Variants in ARFRP1 observed in about 807,000 individuals in gnomAD.
ARFRP1 encodes ARF related protein 1.
ARFRP1 carries 19 observed loss-of-function variants against 30.3 expected under a neutral mutation model. That is an observed-to-expected ratio of 0.63 (90% CI 0.44 to 0.92). ARFRP1 has a LOEUF of 0.92. Among genes scored for constraint, ARFRP1 ranks in the 40% least tolerant of loss-of-function variants. The probability of loss-of-function intolerance (pLI) is 0.00; values close to 1 mark genes in which losing one functional copy is unlikely to be tolerated. For synonymous variants in ARFRP1, 133 were observed against 114.2 expected, an observed-to-expected ratio of 1.16 and a Z score of -1.05; for missense variants, 245 against 267.5, an observed-to-expected ratio of 0.92 and a Z score of 0.59.
intron 4 of ARFRP1, chr20:63,704,160 G>C (rs1278234708): frequency 6.6e-6 from 1 of 152,272 alleles, no homozygotes; most frequent in Admixed American, 6.5e-5. Flanking sequence ...AGGCCAATTC[G>C]CAATGACGCC....
chr20:63,706,190 G>A (rs1196301908), intron 4 of ARFRP1, 167 bp downstream of exon 4: 3 of 664,724 alleles, frequency 4.5e-6, no homozygotes, highest in African/African-American at 3.6e-5. Context: ...TAAGGGTTCA[G>A]CTGGGACAAA....
intron 4 of ARFRP1, chr20:63,706,154 A>G: frequency 1.8e-6 from 1 of 544,556 alleles, no homozygotes; most frequent in Admixed American, 3.1e-5. Context: ...AAACTCCCCT[A>G]CCACCACTTT....
chr20:63,706,263 A>C, intron 4 of ARFRP1, 94 bp downstream of exon 4: 4 of 1,169,514 alleles, frequency 3.4e-6, no homozygotes, highest in Non-Finnish European at 5.1e-6. Context: ...CAGAGTGGGT[A>C]AGGAAAACTG....
Position 63,700,646 on chromosome 20 carries a change from G to T in ARFRP1, c.474C>A (p.Ile158=). The T allele has an allele frequency of 6.2e-7, 1 of 1,610,916 alleles. No individual in the cohort carries two copies. Among genetic ancestry groups the T allele is most frequent in the Non-Finnish European group, 8.5e-7 (1 of 1,179,854 alleles). Residue 158 remains isoleucine (I), a synonymous_variant, in exon 7 of 8, where the codon ATC becomes ATA. Coordinates refer to ENST00000622789, the MANE Select transcript of ARFRP1 (RefSeq NM_001267547.3). ...KTAFSDCTSK[I]GRRDCLTQAC... Reference sequence around the variant, plus strand: ...CCTGGGTCAGGCAATCTCGCCTGCCGATCTTGCTGGTGCAGTCGCTGAAGG... The same window carrying T: ...CCTGGGTCAGGCAATCTCGCCTGCCTATCTTGCTGGTGCAGTCGCTGAAGG...
chr20:63,705,102 G>A (rs2091391975), intron 4 of ARFRP1: 1 of 152,548 alleles, frequency 6.6e-6, no homozygotes, highest in African/African-American at 2.4e-5. Flanking sequence ...ACACCGGCCT[G>A]TGACAAGATC....
At position 63,701,777 on chromosome 20, in the gene ARFRP1, G is replaced by T. The variant is rs964757364; in HGVS notation, c.417+53C>A. On this transcript the variant is annotated intron_variant, in intron 6 of 7. Transcript: ENST00000622789. ...GGTGCACACCTGCTCCCCTTGCTGT[G>T]GGGGAGGCTGGGGACTCGGGAAGCT... The T allele has an allele frequency of 1.5e-4, 230 of 1,492,006 alleles. 1 individual carries two copies. Among genetic ancestry groups the T allele is most frequent in the Non-Finnish European group, 2.0e-4 (222 of 1,095,456 alleles). The allele number at this position is 1,492,006 out of a possible 1,614,324, so 92.4% of individuals were successfully genotyped here.
chr20:63,700,800 G>A, intron 6 of ARFRP1, 98 bp from the exon 7 acceptor site: 2 of 1,480,386 alleles, frequency 1.4e-6, no homozygotes, highest in Non-Finnish European at 1.8e-6. Flanking sequence ...TTCACCCCAG[G>A]GAAACAGCCA....
chr20:63,701,083 GA>G, intron 6 of ARFRP1: 1 of 403,272 alleles, frequency 2.5e-6, no homozygotes. Flanking sequence ...ATCAGTGATG[GA>G]GGCAGTCTGC....
Position 63,707,002 on chromosome 20 carries a change from C to T in ARFRP1, c.90G>A (p.Lys30=). Residue 30 remains lysine, a synonymous_variant, in exon 2 of 8, where the codon AAG becomes AAA. Coordinates refer to ENST00000622789, the MANE Select transcript of ARFRP1 (RefSeq NM_001267547.3). ...ILILGLDNAG[K]TTFLEQSKTR... ...GCGCAAGGGCGTGGGCACTCACCGT[C>T]TTCCCAGCATTGTCCAGGCCCAGGA... is the stretch of plus-strand genomic sequence containing the variant. 1.2e-6 allele frequency: 2 copies of T among 1,613,762 alleles called. No individual in the cohort carries two copies. The highest frequency in any genetic ancestry group is 1.7e-6 in the Non-Finnish European group (2 of 1,179,988).
At chr20:63,702,560 G>T in intron 4 of ARFRP1, 2 of 337,630 alleles carry the variant, frequency 5.9e-6, no homozygotes, top group Non-Finnish European at 5.7e-6. Flanking sequence ...GGCCAACCTG[G>T]GCAACACAGT....
In ARFRP1 at chr20:63,700,145, C is replaced by T. The variant is rs1306524441; in HGVS notation, c.*298G>A. The stretch of plus-strand genomic sequence containing the variant: ...CAGCCTGAGCACTGGAGCCCCAATT[C>T]CCAACCAGGTCTCCCTCAGACCCCC... On this transcript the variant is annotated 3_prime_UTR_variant, in exon 8 of 8. Transcript: ENST00000622789. 1 of 426,922 alleles carries T rather than the reference C, an allele frequency of 2.3e-6. No individual in the cohort carries two copies. The allele number at this position is 426,922 out of a possible 1,614,324, so 26.4% of individuals were successfully genotyped here. A position where few individuals can be genotyped will look rare whatever the true frequency, so the allele number is the denominator to read the frequency against.
In ARFRP1 at chr20:63,699,985, G is replaced by A. The variant is rs982996881; in HGVS notation, c.*458C>T. On this transcript the variant is annotated 3_prime_UTR_variant, in exon 8 of 8. Coordinates refer to ENST00000622789, the MANE Select transcript of ARFRP1 (RefSeq NM_001267547.3). The stretch of plus-strand genomic sequence containing the variant: ...GCAAGATCAGCCCCAGACCACTTCC[G>A]GGGTCACGGGGTCACGGGGTCACAG... 2.2e-4 allele frequency: 32 copies of A among 147,154 alleles called. No homozygotes were observed. The highest frequency in any genetic ancestry group is 5.2e-3 in the Middle Eastern group (2 of 382). 9.1% of individuals were successfully genotyped at this position (147,154 alleles called of 1,614,324 possible).
At chr20:63,704,876 G>A (rs1354074279) in intron 4 of ARFRP1, 1 of 152,246 alleles carries the variant, frequency 6.6e-6, no homozygotes, top group Non-Finnish European at 1.5e-5. Flanking sequence ...AGCCCACACT[G>A]GGGACCCACC....
At chr20:63,700,831 T>C in intron 6 of ARFRP1, 129 bp from the exon 7 acceptor site, 1 of 1,288,234 alleles carries the variant, frequency 7.8e-7, no homozygotes, top group Non-Finnish European at 1.1e-6. Flanking sequence ...AGGGTCCCAG[T>C]GTCTCCCACA....
chr20:63,701,999 C>CT (rs2091230863), intron 5 of ARFRP1, 99 bp from the exon 6 acceptor site: 1 of 46,822 alleles, frequency 2.1e-5, no homozygotes, highest in African/African-American at 1.7e-4. Context: ...ACTCCCTCTG[C>CT]CCCCCCCCCC....
chr20:63,701,997 T>TCCCCCCCC, intron 5 of ARFRP1, 97 bp from the exon 6 acceptor site: 1 of 684,612 alleles, frequency 1.5e-6, no homozygotes, highest in Non-Finnish European at 2.2e-6. Flanking sequence ...CCACTCCCTC[T>TCCCCCCCC]GCCCCCCCCC....
chr20:63,703,412 C>G (rs535486959), intron 4 of ARFRP1: 1 of 152,262 alleles, frequency 6.6e-6, no homozygotes, highest in South Asian at 2.1e-4. Context: ...AAGGCCAGGC[C>G]CCCCCACCCC....
intron 3 of ARFRP1, 91 bp from the exon 4 acceptor site, chr20:63,706,530 G>A: frequency 4.6e-6 from 7 of 1,528,864 alleles, no homozygotes; most frequent in South Asian, 1.1e-5. Context: ...AAACCATGCT[G>A]GTGCCACTCA....
Position 63,700,239 on chromosome 20 carries a change from C to T in ARFRP1, c.*204G>A, listed in dbSNP as rs1041311479. The T allele has an allele frequency of 1.9e-5, 14 of 736,436 alleles. No individual in the cohort carries two copies. The highest frequency in any genetic ancestry group is 2.9e-5 in the East Asian group (1 of 35,078). 45.6% of individuals were successfully genotyped at this position (736,436 alleles called of 1,614,324 possible). ...CTGCCGCTGCAGGGCCTGGGCCAGC[C>T]GGGCTGCCAGACTCCCCTCCAAAGC... On this transcript the variant is annotated 3_prime_UTR_variant, in exon 8 of 8. Transcript: ENST00000622789.
Sources: gnomAD v4.1 joint callset for allele counts on GRCh38, gnomAD v4.1.1 for gene constraint, MANE v1.5 for transcripts, NCBI Gene and HGNC (gene_info 2026-07-23, HGNC 2026-07-21) for gene names.